The following PCDHGA3 variants were observed in gnomAD, a reference collection of about 807,000 sequenced individuals.
The protein encoded by PCDHGA3 is protocadherin gamma-A3.
PCDHGA3 carries 40 observed loss-of-function variants against 58.5 expected under a neutral mutation model. The observed-to-expected ratio is 0.68, with a 90% CI of 0.53 to 0.89. The LOEUF is 0.89. Ranked by LOEUF, PCDHGA3 falls within the 40% of genes least tolerant of loss-of-function variation. The pLI is 0.00. For synonymous variants in PCDHGA3, 530 were observed against 525.7 expected (o/e 1.01, Z -0.11); for missense variants, 1,223 against 1,195.9 (o/e 1.02, Z -0.33).
chr5:141,361,428 C>T lies in PCDHGA3; in HGVS notation c.2424+14971C>T, dbSNP rs753837772. 5.0e-6 allele frequency: 8 copies of T among 1,614,050 alleles called. No individual in the cohort carries two copies. The African/African-American group carries it at 9.3e-5, about 19-fold the overall frequency. ...CAGCCACCGACGGGGGCAAGCCGCCCCTCTCCTCCAGCATAATTGTCACCC... is the reference window on the plus strand; with the variant it reads ...CAGCCACCGACGGGGGCAAGCCGCCTCTCTCCTCCAGCATAATTGTCACCC... On this transcript the variant is annotated intron_variant, in intron 1 of 3. Transcript: ENST00000253812.
At chr5:141,355,419 G>C (rs1438563668) in intron 1 of PCDHGA3, 1 of 1,614,042 alleles carries the variant, frequency 6.2e-7, no homozygotes, top group Non-Finnish European at 8.5e-7. Context: ...GTAGGACGCA[G>C]CTTTTCGCCC....
intron 1 of PCDHGA3, chr5:141,357,072 C>T (rs745612694): frequency 6.2e-7 from 1 of 1,613,960 alleles, no homozygotes; most frequent in Non-Finnish European, 8.5e-7. Flanking sequence ...TGCACACAGG[C>T]GAGGTGCGCA....
chr5:141,417,859 GAT>G, intron 1 of PCDHGA3: 1 of 1,548,208 alleles, frequency 6.5e-7, no homozygotes, highest in Middle Eastern at 1.7e-4. Context: ...CCGAGCGAAC[GAT>G]GGGAGGGAGC....
rs1052219950 is a variant in PCDHGA3, at chr5:141,476,865, G to A, written c.2425-17942G>A. The A allele has an allele frequency of 1.2e-6, 2 of 1,613,752 alleles. No individual in the cohort carries two copies. Among genetic ancestry groups the A allele is most frequent in the African/African-American group, 1.3e-5 (1 of 74,958 alleles). On this transcript the variant is annotated intron_variant, in intron 1 of 3. Coordinates refer to ENST00000253812, the MANE Select transcript of PCDHGA3 (RefSeq NM_018916.4). This position sits in a 1 kb window ranked among gnomAD's most constrained non-coding sequence, Gnocchi z 7.6. ...CCTGTCTTCAACCAGTCCTTGTACC[G>A]GGCGCGCGTCCTGGAGGATGCACCC...
intron 1 of PCDHGA3, chr5:141,415,485 T>C (rs2154545779): frequency 6.2e-7 from 1 of 1,614,044 alleles, no homozygotes; most frequent in South Asian, 1.1e-5. Flanking sequence ...CGCGAAAGAG[T>C]CACCTGATCT....
rs746159671 is a variant in PCDHGA3, at chr5:141,399,684, G to A, written c.2424+53227G>A. The A allele has an allele frequency of 2.4e-5, 38 of 1,613,538 alleles. 1 individual carries two copies. In the South Asian group the frequency reaches 4.2e-4, roughly 18 times the overall value. On this transcript the variant is annotated intron_variant, in intron 1 of 3. Transcript: ENST00000253812. ...TCGCGCAGCGCGCCTTTGACTACGAGCAGCTGCGCACCTTCGAACTCACAC... is the reference window on the plus strand; with the variant it reads ...TCGCGCAGCGCGCCTTTGACTACGAACAGCTGCGCACCTTCGAACTCACAC...
Position 141,490,310 on chromosome 5 carries a change from AC to A in PCDHGA3, c.2425-4494del. 1 of 1,614,084 alleles carries A rather than the reference AC, an allele frequency of 6.2e-7. No homozygotes were observed. The highest frequency in any genetic ancestry group is 8.5e-7 in the Non-Finnish European group (1 of 1,180,012). ...GAGGTGCTATTGGCCTCTTTGGCCA[AC>A]CCTGTCCTAGAGAGCACACCAGTGG... is the stretch of plus-strand genomic sequence containing the variant. On this transcript the variant is annotated intron_variant, in intron 1 of 3. Transcript: ENST00000253812. This position sits in a 1 kb window ranked among gnomAD's most constrained non-coding sequence, Gnocchi z 5.4.
At position 141,389,566 on chromosome 5, in the gene PCDHGA3, T is replaced by A. The variant is rs757362223; in HGVS notation, c.2424+43109T>A. On this transcript the variant is annotated intron_variant, in intron 1 of 3. Transcript: ENST00000253812. ...CGCAACGACAATGCGCCACGGGTGC[T>A]GTACCCCGCGCTGGGTCCCGACGGC... The A allele has an allele frequency of 3.2e-5, 52 of 1,613,278 alleles. No homozygotes were observed. The Middle Eastern group carries it at 6.6e-4, about 21-fold the overall frequency.
rs774898388 is a variant in PCDHGA3, at chr5:141,491,593, A to G, written c.2425-3214A>G. 6.8e-6 allele frequency: 11 copies of G among 1,613,918 alleles called. No individual in the cohort carries two copies. In the Admixed American group the frequency reaches 1.2e-4, roughly 17 times the overall value. Reference sequence around the variant, plus strand: ...GTGCTTTTCACCGGCCTCGGACGGCAGTGACTTCACTTTTCTAAGACCCCT... The same window carrying G: ...GTGCTTTTCACCGGCCTCGGACGGCGGTGACTTCACTTTTCTAAGACCCCT... On this transcript the variant is annotated intron_variant, in intron 1 of 3. Transcript: ENST00000253812. This position sits in a 1 kb window ranked among gnomAD's most constrained non-coding sequence, Gnocchi z 6.9.
At chr5:141,465,730 T>G (rs1373873081) in intron 1 of PCDHGA3, among the ~76,000 whole-genome samples, 2 of 152,186 alleles carry the variant, frequency 1.3e-5, no homozygotes, top group Non-Finnish European at 2.9e-5. Context: ...CCTCTTGTGC[T>G]TTGTTTTCAG....
intron 1 of PCDHGA3, among the ~76,000 whole-genome samples, chr5:141,461,390 C>T (rs1220034894): frequency 2.0e-5 from 3 of 152,080 alleles, no homozygotes; most frequent in East Asian, 3.9e-4. Context: ...TGATGATTAG[C>T]GATGTTGAGC....
chr5:141,402,901 T>TG, intron 1 of PCDHGA3: 1 of 1,520,230 alleles, frequency 6.6e-7, no homozygotes, highest in Non-Finnish European at 8.8e-7. Context: ...AAGAACCTGA[T>TG]GAAGCAGCGC....
At chr5:141,437,150 A>T (rs572721302) in intron 1 of PCDHGA3, among the ~76,000 whole-genome samples, 1 of 152,328 alleles carries the variant, frequency 6.6e-6, no homozygotes, top group East Asian at 1.9e-4. Flanking sequence ...CATAATTAAC[A>T]TATGTGTTGA....
chr5:141,451,978 T>A (rs1329730658), intron 1 of PCDHGA3, among the ~76,000 whole-genome samples: 1 of 152,188 alleles, frequency 6.6e-6, no homozygotes, highest in Non-Finnish European at 1.5e-5. Flanking sequence ...TTTGCTGTAG[T>A]TTGTTCATTA....
chr5:141,385,085 A>C, intron 1 of PCDHGA3: 1 of 1,614,132 alleles, frequency 6.2e-7, no homozygotes, highest in South Asian at 1.1e-5. Context: ...CAGGCTTCAG[A>C]AGGTGGCTTG....
rs745334496 is a variant in PCDHGA3 at position 141,478,302 on chromosome 5, C to A, written c.2425-16505C>A. 47 of 1,613,952 alleles carry A rather than the reference C, an allele frequency of 2.9e-5. 1 individual carries two copies. In the Admixed American group the frequency reaches 7.0e-4, roughly 24 times the overall value. On this transcript the variant is annotated intron_variant, in intron 1 of 3. Transcript: ENST00000253812. ...AAGCAGTCTAGAGACCTATACCGAGCCCCGGTGAGCTCACTGTACCGAACA... is the reference window on the plus strand; with the variant it reads ...AAGCAGTCTAGAGACCTATACCGAGACCCGGTGAGCTCACTGTACCGAACA...
Position 141,486,059 on chromosome 5 carries a change from C to A in PCDHGA3, c.2425-8748C>A. On this transcript the variant is annotated intron_variant, in intron 1 of 3. Transcript: ENST00000253812. This position sits in a 1 kb window ranked among gnomAD's most constrained non-coding sequence, Gnocchi z 5.0. ...TCGTGTAAGAAACCTCTTTAGCCTG[C>A]ACCCCACTACTGGAAAGCTTACTCT... 1 of 1,614,152 alleles carries A rather than the reference C, an allele frequency of 6.2e-7. No homozygotes were observed. Among genetic ancestry groups the A allele is most frequent in the Non-Finnish European group, 8.5e-7 (1 of 1,180,010 alleles).
chr5:141,455,466 A>G (rs1253494886), intron 1 of PCDHGA3, among the ~76,000 whole-genome samples: 1 of 152,164 alleles, frequency 6.6e-6, no homozygotes, highest in East Asian at 1.9e-4. Flanking sequence ...AGCCAGGTAT[A>G]TATGCAGAGG....
chr5:141,445,416 T>C lies in PCDHGA3; in HGVS notation c.2425-49391T>C, dbSNP rs190826518. ...TAACAAATATTTATTAACTGTCTGC[T>C]ATATGCAAGGCACTGACCTATGGAC... On this transcript the variant is annotated intron_variant, in intron 1 of 3. Coordinates refer to ENST00000253812, the MANE Select transcript of PCDHGA3 (RefSeq NM_018916.4). 2.2e-3 allele frequency among the ~76,000 whole-genome samples: 336 copies of C among 152,342 alleles called. 1 individual carries two copies. The highest frequency in any genetic ancestry group is 0.01 in the Middle Eastern group (3 of 294).
Sources: allele counts gnomAD v4.1 joint callset (sites outside exome capture counted in the v4.1 genomes callset), GRCh38; gene constraint gnomAD v4.1.1; non-coding constraint Gnocchi (gnomAD v3.1); transcripts MANE v1.5; gene names NCBI Gene and HGNC (gene_info 2026-07-23, HGNC 2026-07-21).